Variants in PPP3CC observed in about 807,000 individuals in gnomAD.
PPP3CC encodes protein phosphatase 3 catalytic subunit gamma.
A neutral mutation model predicts 60.3 loss-of-function variants in PPP3CC; 35 were observed. The observed-to-expected ratio is 0.58, with a 90% CI of 0.44 to 0.77. The LOEUF (loss-of-function observed/expected upper bound fraction) is 0.77. Among genes scored for constraint, PPP3CC ranks in the 30% least tolerant of loss-of-function variants. PPP3CC has a pLI of 0.00. For missense variants in PPP3CC, 570 were observed against 628.9 expected, an observed-to-expected ratio of 0.91 and a Z score of 1.00; for synonymous variants, 206 against 224.3, an observed-to-expected ratio of 0.92 and a Z score of 0.73.
intron 3 of PPP3CC, among the ~76,000 whole-genome samples, chr8:22,495,375 T>C (rs1838537542): frequency 6.6e-6 from 1 of 152,182 alleles, no homozygotes; most frequent in African/African-American, 2.4e-5. Context: ...CTGTGTATGG[T>C]CATTTAGGTT....
chr8:22,475,078 A>G lies in PPP3CC; in HGVS notation c.174A>G (p.Leu58=). The change falls in exon 2 of 14, where the codon TTA becomes TTG. Residue 58 remains leucine, a synonymous_variant. Coordinates refer to ENST00000240139, the MANE Select transcript of PPP3CC (RefSeq NM_005605.5). ...GACGACTGGAAGAGGAAGTAGCCTT[A>G]AAGATAATCAATGATGGGGCTGCCA... The part of the protein sequence containing the change: ...KEGRLEEEVA[L]KIINDGAAIL... 1 of 1,613,836 alleles carries G rather than the reference A, an allele frequency of 6.2e-7. No homozygotes were observed. The highest frequency in any genetic ancestry group is 8.5e-7 in the Non-Finnish European group (1 of 1,179,814).
intron 1 of PPP3CC, among the ~76,000 whole-genome samples, chr8:22,469,536 AT>A (rs766533978): frequency 7.9e-5 from 12 of 152,046 alleles, no homozygotes; most frequent in Non-Finnish European, 1.8e-4. Context: ...TCCTCATGTA[AT>A]CTGTAAATTT....
chr8:22,513,895 G>A (rs761634157), intron 6 of PPP3CC, among the ~76,000 whole-genome samples: 2 of 152,174 alleles, frequency 1.3e-5, no homozygotes, highest in Non-Finnish European at 2.9e-5. Flanking sequence ...ACATTTCCTG[G>A]AAGTTGGCTG....
intron 11 of PPP3CC, 50 bp from the exon 12 acceptor site, chr8:22,532,871 T>C (rs781132988): frequency 7.7e-7 from 1 of 1,296,862 alleles, no homozygotes; most frequent in Non-Finnish European, 1.0e-6. Context: ...TTTAAGTTGC[T>C]GAATGGAGAG....
intron 4 of PPP3CC, chr8:22,510,828 A>G (rs1839064647): frequency 5.1e-6 from 2 of 394,140 alleles, no homozygotes; most frequent in South Asian, 8.2e-5. Flanking sequence ...CTAATAACAC[A>G]GTGGACAGTC....
At chr8:22,492,068 C>T (rs746278504) in intron 3 of PPP3CC, among the ~76,000 whole-genome samples, 1 of 152,048 alleles carries the variant, frequency 6.6e-6, no homozygotes, top group Non-Finnish European at 1.5e-5. Flanking sequence ...ATAGAGTGTA[C>T]TTACATAAAC....
intron 1 of PPP3CC, among the ~76,000 whole-genome samples, chr8:22,459,743 C>A (rs1182371704): frequency 6.6e-6 from 1 of 152,034 alleles, no homozygotes; most frequent in African/African-American, 2.4e-5. Flanking sequence ...ATGTTGAAAT[C>A]CTAATCCCCA....
At chr8:22,511,377 C>T in intron 5 of PPP3CC, 146 bp downstream of exon 5, 1 of 850,652 alleles carries the variant, frequency 1.2e-6, no homozygotes, top group Non-Finnish European at 1.8e-6. Flanking sequence ...GCAACCTCCG[C>T]CTCCCTGGTT....
At chr8:22,487,916 T>G (rs1310781019) in intron 3 of PPP3CC, among the ~76,000 whole-genome samples, 1 of 152,144 alleles carries the variant, frequency 6.6e-6, no homozygotes, top group Non-Finnish European at 1.5e-5. Flanking sequence ...AGTAATTGAG[T>G]GGTTGAACAG....
intron 8 of PPP3CC, among the ~76,000 whole-genome samples, chr8:22,524,723 G>A (rs995524368): frequency 6.6e-6 from 1 of 152,148 alleles, no homozygotes; most frequent in Non-Finnish European, 1.5e-5. Context: ...TTGCTCAATG[G>A]ATTTATCAGT....
Position 22,441,142 on chromosome 8 carries a change from C to A in PPP3CC, c.-268C>A, listed in dbSNP as rs1836652339. On this transcript the variant is annotated 5_prime_UTR_variant, in exon 1 of 14. Coordinates refer to ENST00000240139, the MANE Select transcript of PPP3CC (RefSeq NM_005605.5). Reference sequence around the variant, plus strand: ...CCCGGTCGCCACCCTTAGCAGCGGTCGCGGTCGGTGCCGAAGCGGTGTTCC... The same window carrying A: ...CCCGGTCGCCACCCTTAGCAGCGGTAGCGGTCGGTGCCGAAGCGGTGTTCC... 2.9e-6 allele frequency: 1 copy of A among 339,904 alleles called. No individual in the cohort carries two copies. The highest frequency in any genetic ancestry group is 4.4e-5 in the East Asian group (1 of 22,894). 21.1% of individuals were successfully genotyped at this position (339,904 alleles called of 1,614,324 possible). A position where few individuals can be genotyped will look rare whatever the true frequency, so the allele number is the denominator to read the frequency against.
intron 6 of PPP3CC, among the ~76,000 whole-genome samples, chr8:22,514,503 G>T (rs1289037929): frequency 6.6e-6 from 1 of 151,164 alleles, no homozygotes; most frequent in Non-Finnish European, 1.5e-5. Flanking sequence ...AATTTTTGTG[G>T]GTACATAGTA....
intron 1 of PPP3CC, among the ~76,000 whole-genome samples, chr8:22,444,261 CAAAAAA>C (rs140849668): frequency 8.2e-6 from 1 of 122,590 alleles, no homozygotes; most frequent in South Asian, 2.6e-4. Context: ...AGTCTCAAGC[CAAAAAA>C]AAAAAAAAAA....
intron 1 of PPP3CC, among the ~76,000 whole-genome samples, chr8:22,444,925 A>G (rs1234421798): frequency 6.6e-6 from 1 of 152,186 alleles, no homozygotes; most frequent in African/African-American, 2.4e-5. Context: ...GATTTTTATA[A>G]AAGCAGTTTA....
intron 1 of PPP3CC, among the ~76,000 whole-genome samples, chr8:22,464,532 A>G (rs745469140): frequency 1.3e-5 from 2 of 152,080 alleles, no homozygotes; most frequent in Non-Finnish European, 2.9e-5. Context: ...GGTGTGCACC[A>G]CCACACTCAA....
intron 1 of PPP3CC, among the ~76,000 whole-genome samples, chr8:22,458,799 T>C (rs1336737604): frequency 6.6e-6 from 1 of 152,090 alleles, no homozygotes; most frequent in Admixed American, 6.6e-5. Context: ...TCGATTTGAA[T>C]TGTAAATCTC....
chr8:22,453,760 C>G (rs1266930260), intron 1 of PPP3CC, among the ~76,000 whole-genome samples: 1 of 152,162 alleles, frequency 6.6e-6, no homozygotes, highest in Non-Finnish European at 1.5e-5. Flanking sequence ...GCATGTTACT[C>G]TATTTAATAC....
intron 12 of PPP3CC, among the ~76,000 whole-genome samples, chr8:22,536,028 A>G (rs1264307013): frequency 6.6e-6 from 1 of 152,174 alleles, no homozygotes; most frequent in African/African-American, 2.4e-5. Flanking sequence ...CACCGTGCCC[A>G]GCCCTTTTTT....
At chr8:22,521,055 C>T (rs1046186581) in intron 6 of PPP3CC, among the ~76,000 whole-genome samples, 10 of 152,150 alleles carry the variant, frequency 6.6e-5, no homozygotes, top group African/African-American at 1.7e-4. Context: ...GGTTCACAGT[C>T]AGTGGGCGTA....
Sources: gnomAD v4.1 joint callset for allele counts (sites outside exome capture counted in the v4.1 genomes callset) on GRCh38, gnomAD v4.1.1 for gene constraint, MANE v1.5 for transcripts, NCBI Gene and HGNC (gene_info 2026-07-23, HGNC 2026-07-21) for gene names.